Variants in NPAT observed in about 807,000 individuals in gnomAD.
The protein encoded by NPAT is protein NPAT.
Under a neutral mutation model 130.7 loss-of-function variants are expected in NPAT, and 52 were observed. The observed-to-expected ratio is 0.40, with a 90% confidence interval of 0.32 to 0.50. The LOEUF (loss-of-function observed/expected upper bound fraction) is 0.50. Ranked by LOEUF, NPAT falls within the 20% of genes least tolerant of loss-of-function variation. NPAT has a pLI of 0.68. For missense variants in NPAT, 1,687 were observed against 1,662.6 expected, an observed-to-expected ratio of 1.01 and a Z score of -0.26; for synonymous variants, 580 against 584.8, an observed-to-expected ratio of 0.99 and a Z score of 0.12.
chr11:108,175,347 C>A (rs1462453632), intron 12 of NPAT, among the ~76,000 whole-genome samples: 1 of 152,160 alleles, frequency 6.6e-6, no homozygotes, highest in African/African-American at 2.4e-5. Flanking sequence ...AATATATCCC[C>A]CATAGATAAG....
rs147097585 is a variant in NPAT at position 108,211,992 on chromosome 11, A to G, written c.37+10508T>C. 7.9e-4 allele frequency among the ~76,000 whole-genome samples: 121 copies of G among 152,218 alleles called. 1 individual carries two copies. Among genetic ancestry groups the G allele is most frequent in the African/African-American group, 2.6e-3 (109 of 41,542 alleles). On this transcript the variant is annotated intron_variant, in intron 1 of 17. Transcript: ENST00000278612. ...AAACAAAACTCTACCAAAGAAACCA[A>G]AAAAAACAAAATCCAACACCCTTTC... is the stretch of plus-strand genomic sequence containing the variant.
Position 108,192,182 on chromosome 11 carries a change from T to G in NPAT, c.226A>C (p.Asn76His). ...GATGACATTATTGCTGGGACATTAT[T>G]TGATGTTTCTAAATCATAGGAGAAA... ...YVAMKTKETS[N>H]NVPAIMSSLW... Residue 76 changes from asparagine (N) to histidine (H), a missense_variant, in exon 4 of 18, where the codon AAT becomes CAT. Asn to His is a moderately conservative substitution (Grantham distance 68). Coordinates refer to ENST00000278612, the MANE Select transcript of NPAT (RefSeq NM_002519.3). The G allele has an allele frequency of 6.3e-7, 1 of 1,599,894 alleles. No individual in the cohort carries two copies. Among genetic ancestry groups the G allele is most frequent in the Non-Finnish European group, 8.6e-7 (1 of 1,167,222 alleles).
At position 108,161,612 on chromosome 11, in the gene NPAT, T is replaced by G; in HGVS notation, c.3474A>C (p.Glu1158Asp). 6.2e-7 allele frequency: 1 copy of G among 1,614,168 alleles called. No homozygotes were observed. Among genetic ancestry groups the G allele is most frequent in the Non-Finnish European group, 8.5e-7 (1 of 1,180,022 alleles). The change falls in exon 17 of 18, where the codon GAA becomes GAC. Residue 1158 changes from glutamate (E) to aspartate (D), a missense_variant. Coordinates refer to ENST00000278612, the MANE Select transcript of NPAT (RefSeq NM_002519.3). ...KKVSPTEIVL[E>D]SFHKATANKE... ...TATTAGCTGTTGCTTTATGGAAAGA[T>G]TCAAGCACAATTTCTGTTGGTGAAA...
At chr11:108,195,277 CA>C (rs2078209268) in intron 2 of NPAT, among the ~76,000 whole-genome samples, 1 of 152,190 alleles carries the variant, frequency 6.6e-6, no homozygotes, top group Admixed American at 6.5e-5. Context: ...AAACTGTTTT[CA>C]AAAGCCACTG....
intron 5 of NPAT, among the ~76,000 whole-genome samples, chr11:108,189,697 C>T (rs1395243188): frequency 2.0e-5 from 3 of 150,856 alleles, no homozygotes; most frequent in Admixed American, 1.3e-4. Flanking sequence ...GGTGAAACCC[C>T]GTCTCTACTA....
chr11:108,188,645 C>CA (rs2078132300), intron 6 of NPAT, among the ~76,000 whole-genome samples: 1 of 152,124 alleles, frequency 6.6e-6, no homozygotes, highest in Non-Finnish European at 1.5e-5. Context: ...TTCAAGTATG[C>CA]AACAAATAAG....
At position 108,161,009 on chromosome 11, in the gene NPAT, A is replaced by C. The variant is rs750254457; in HGVS notation, c.4077T>G (p.Phe1359Leu). The change falls in exon 17 of 18, where the codon TTT becomes TTG. Residue 1359 changes from phenylalanine (F) to leucine (L), a missense_variant. Phe to Leu is a conservative substitution (Grantham distance 22). Around this residue, in one of 3 missense-constraint regions of NPAT, gnomAD observed 1,379 missense variants for 1,346.6 expected, o/e 1.02. Transcript: ENST00000278612. ...ATPLKDNTQQ[F>L]RASSRSTTKK... is the part of the protein sequence containing the mutation. ...TTGTGGTGCTCCTTGAAGATGCTCT[A>C]AACTGTTGTGTGTTATCTTTCAGAG... is the stretch of plus-strand genomic sequence containing the variant. 4.3e-6 allele frequency: 7 copies of C among 1,614,006 alleles called. No individual in the cohort carries two copies. Among genetic ancestry groups the C allele is most frequent in the Admixed American group, 1.7e-5 (1 of 59,980 alleles).
At chr11:108,194,049 T>C (rs772877290) in intron 2 of NPAT, 32 bp from the exon 3 acceptor site, 2 of 1,118,280 alleles carry the variant, frequency 1.8e-6, no homozygotes, top group Non-Finnish European at 1.4e-6. Context: ...ATTACCAAAA[T>C]TGTATAATAC....
In NPAT at chr11:108,158,955, T is replaced by G; in HGVS notation, c.4271A>C (p.His1424Pro). The change falls in exon 18 of 18, where the codon CAT (histidine) becomes CCT (proline). Residue 1424 changes from histidine to proline, a missense_variant. Transcript: ENST00000278612. ...MDVDKFLLSL[H>P]YDE ...TGTCCAGAATGTTTACTCATCATAA[T>G]GCAATGATAACAAAAATTTGTCTAC... The G allele has an allele frequency of 6.3e-7, 1 of 1,596,644 alleles. No individual in the cohort carries two copies. The highest frequency in any genetic ancestry group is 8.6e-7 in the Non-Finnish European group (1 of 1,166,226).
rs1384129938 is a variant in NPAT, at chr11:108,172,420, G to A, written c.2564C>T (p.Ala855Val). The A allele has an allele frequency of 1.2e-6, 2 of 1,614,062 alleles. No homozygotes were observed. The highest frequency in any genetic ancestry group is 1.7e-6 in the Non-Finnish European group (2 of 1,180,020). Reference protein sequence around the residue: ...KDGGYIQLMPATSTAFGNSNN... With the variant: ...KDGGYIQLMPVTSTAFGNSNN... ...TGAATTGCCAAAAGCTGTGCTTGTGGCTGGCATCAACTGTATATATCCTCC... is the reference window on the plus strand; with the variant it reads ...TGAATTGCCAAAAGCTGTGCTTGTGACTGGCATCAACTGTATATATCCTCC... Residue 855 changes from alanine to valine, a missense_variant, in exon 13 of 18, where the codon GCC (alanine) becomes GTC (valine). Coordinates refer to ENST00000278612, the MANE Select transcript of NPAT (RefSeq NM_002519.3).
intron 8 of NPAT, 120 bp downstream of exon 8, chr11:108,186,362 T>C (rs1360548809): frequency 2.7e-6 from 2 of 748,980 alleles, no homozygotes; most frequent in African/African-American, 1.8e-5. Flanking sequence ...TTTACAGATA[T>C]CTATAAACTT....
At chr11:108,209,059 C>A (rs2078357956) in intron 1 of NPAT, among the ~76,000 whole-genome samples, 1 of 150,762 alleles carries the variant, frequency 6.6e-6, no homozygotes, top group Non-Finnish European at 1.5e-5. Context: ...GCAGGCAGAT[C>A]ACCTGAGGTC....
chr11:108,208,746 G>T (rs1565327512), intron 1 of NPAT, among the ~76,000 whole-genome samples: 1 of 152,180 alleles, frequency 6.6e-6, no homozygotes, highest in South Asian at 2.1e-4. Flanking sequence ...GTAATACATA[G>T]AACAACTAGG....
chr11:108,166,265 A>G (rs2077901951), intron 15 of NPAT, among the ~76,000 whole-genome samples: 2 of 152,000 alleles, frequency 1.3e-5, no homozygotes, highest in Non-Finnish European at 2.9e-5. Flanking sequence ...TGTGGCATGC[A>G]CCTGTAATCC....
At chr11:108,163,175 G>A (rs1401652925) in intron 15 of NPAT, among the ~76,000 whole-genome samples, 1 of 152,074 alleles carries the variant, frequency 6.6e-6, no homozygotes, top group Non-Finnish European at 1.5e-5. Flanking sequence ...CACCTCCTGG[G>A]TTCAAGCAAT....
intron 1 of NPAT, among the ~76,000 whole-genome samples, chr11:108,212,945 CAAAAAAA>C (rs34466178): frequency 8.2e-5 from 3 of 36,438 alleles, no homozygotes; most frequent in African/African-American, 2.4e-4. Context: ...GACTCTGTCT[CAAAAAAA>C]AAAAAAAAAA....
At chr11:108,208,023 G>A (rs1206921956) in intron 1 of NPAT, among the ~76,000 whole-genome samples, 1 of 152,230 alleles carries the variant, frequency 6.6e-6, no homozygotes, top group Non-Finnish European at 1.5e-5. Context: ...GTTAATACAG[G>A]TTGAGTATAT....
At chr11:108,167,369 T>C (rs994516536) in intron 15 of NPAT, among the ~76,000 whole-genome samples, 4 of 152,132 alleles carry the variant, frequency 2.6e-5, no homozygotes, top group African/African-American at 9.7e-5. Flanking sequence ...CCACCACAGC[T>C]GGCTACTTTT....
At chr11:108,176,415 C>A (rs761149103) in intron 11 of NPAT, 41 bp from the exon 12 acceptor site, 1 of 1,400,908 alleles carries the variant, frequency 7.1e-7, no homozygotes, top group East Asian at 2.3e-5. Flanking sequence ...ATGACCAAAA[C>A]AAAAAATAAA....
Sources: gnomAD v4.1 joint callset for allele counts (sites outside exome capture counted in the v4.1 genomes callset) on GRCh38, gnomAD v4.1.1 for gene constraint, gnomAD v4.1.1 regional missense constraint, MANE v1.5 for transcripts, NCBI Gene and HGNC (gene_info 2026-07-23, HGNC 2026-07-21) for gene names.